TKFC: variants seen among roughly 807,000 people sequenced by gnomAD.
The protein encoded by TKFC is triokinase/FMN cyclase.
Under a neutral mutation model 61.0 loss-of-function variants are expected in TKFC, and 46 were observed. The observed-to-expected ratio is 0.75, with a 90% CI of 0.60 to 0.96. The LOEUF is 0.96. Ranked by LOEUF, TKFC falls within the 50% of genes least tolerant of loss-of-function variation. The pLI, the probability that TKFC is intolerant of heterozygous loss-of-function variation, is 0.00. For missense variants in TKFC, 715 were observed against 777.5 expected, an observed-to-expected ratio of 0.92 and a Z score of 0.96; for synonymous variants, 314 against 330.1, an observed-to-expected ratio of 0.95 and a Z score of 0.53.
intron 2 of TKFC, among the ~76,000 whole-genome samples, chr11:61,336,967 G>C (rs545584159): frequency 6.6e-6 from 1 of 152,074 alleles, no homozygotes; most frequent in East Asian, 1.9e-4. Flanking sequence ...CATGTCTCCT[G>C]CCCCCTTTTT....
downstream of TKFC, chr11:61,350,165 C>T: frequency 1.7e-6 from 1 of 598,822 alleles, no homozygotes; most frequent in Non-Finnish European, 2.9e-6. Context: ...GGAAAGCAGA[C>T]AGGCAGCAAG....
intron 13 of TKFC, 140 bp from the exon 14 acceptor site, chr11:61,345,120 C>T (rs1403941639): frequency 2.8e-6 from 2 of 722,916 alleles, no homozygotes; most frequent in African/African-American, 1.8e-5. Flanking sequence ...CCAGACTGCA[C>T]ACTGGATGTG....
intron 2 of TKFC, 82 bp from the exon 3 acceptor site, chr11:61,337,859 T>C (rs1181524923): frequency 2.9e-6 from 4 of 1,383,638 alleles, no homozygotes; most frequent in Admixed American, 4.9e-5. Flanking sequence ...GAGAGGGGTC[T>C]ACACCACAGC....
Position 61,342,787 on chromosome 11 carries a change from G to C in TKFC, c.808G>C (p.Gly270Arg). The change falls in exon 10 of 18, where the codon GGT becomes CGT. Residue 270 changes from glycine to arginine, a missense_variant. Coordinates refer to ENST00000394900, the MANE Select transcript of TKFC (RefSeq NM_015533.4). Reference sequence around the variant, plus strand: ...AGTTGTGATGATGGTCAACAACCTGGGTGGCCTGTCATTCCTGGAACTGGG... The same window carrying C: ...AGTTGTGATGATGGTCAACAACCTGCGTGGCCTGTCATTCCTGGAACTGGG... ...SSVVMMVNNL[G>R]GLSFLELGII... 1 of 1,614,020 alleles carries C rather than the reference G, an allele frequency of 6.2e-7. No homozygotes were observed. The highest frequency in any genetic ancestry group is 1.1e-5 in the South Asian group (1 of 91,076).
At chr11:61,338,156 G>T (rs1438645866) in intron 3 of TKFC, 26 bp downstream of exon 3, 1 of 1,541,914 alleles carries the variant, frequency 6.5e-7, no homozygotes, top group Non-Finnish European at 8.7e-7. Context: ...TGGGGCAGGG[G>T]GTACTAGTGG....
Position 61,339,328 on chromosome 11 carries a change from G to A in TKFC, c.379G>A (p.Ala127Thr). 1 of 1,613,924 alleles carries A rather than the reference G, an allele frequency of 6.2e-7. No homozygotes were observed. Among genetic ancestry groups the A allele is most frequent in the Non-Finnish European group, 8.5e-7 (1 of 1,180,036 alleles). Residue 127 changes from alanine (A) to threonine (T), a missense_variant, in exon 5 of 18, where the codon GCT becomes ACT. By Grantham distance (58) the Ala-to-Thr change is moderately conservative. Coordinates refer to ENST00000394900, the MANE Select transcript of TKFC (RefSeq NM_015533.4). ...CGGCCTGGCCCGGGAGCAGGCCCGG[G>A]CTGAAGGCATCCCGGTGGAGATGGT... The part of the protein sequence containing the change: ...NFGLAREQAR[A>T]EGIPVEMVVI...
chr11:61,342,857 C>G lies in TKFC; in HGVS notation c.865+13C>G. The G allele has an allele frequency of 6.2e-7, 1 of 1,613,622 alleles. No homozygotes were observed. The highest frequency in any genetic ancestry group is 8.5e-7 in the Non-Finnish European group (1 of 1,179,768). ...GTCCGCTCCCTGGGTGAGCCATGCACTGGGAAGGGGATCCTACAGCCCTTT... is the reference window on the plus strand; with the variant it reads ...GTCCGCTCCCTGGGTGAGCCATGCAGTGGGAAGGGGATCCTACAGCCCTTT... On this transcript the variant is annotated intron_variant, in intron 10 of 17. Coordinates refer to ENST00000394900, the MANE Select transcript of TKFC (RefSeq NM_015533.4).
In TKFC at chr11:61,334,748, C is replaced by A. The variant is rs181688124; in HGVS notation, c.3+17C>A. ...CACACCATGGTGAGTCATACAGGGC[C>A]GGGACGGGAATGGCAGCATGGTCTC... On this transcript the variant is annotated intron_variant, in intron 2 of 17. Transcript: ENST00000394900. 5 of 1,613,998 alleles carry A rather than the reference C, an allele frequency of 3.1e-6. No homozygotes were observed. In the East Asian group the frequency reaches 1.1e-4, roughly 36 times the overall value.
chr11:61,350,646 T>C, downstream of TKFC: 1 of 613,230 alleles, frequency 1.6e-6, no homozygotes, highest in South Asian at 2.1e-5. Context: ...CCCATCCCAC[T>C]AGACTAGCCC....
chr11:61,342,607 C>T lies in TKFC; in HGVS notation c.724C>T (p.Leu242Phe), dbSNP rs765322738. The change falls in exon 9 of 18, where the codon CTC (leucine) becomes TTC (phenylalanine). Residue 242 changes from leucine to phenylalanine, a missense_variant. By Grantham distance (22) the Leu-to-Phe change is conservative (BLOSUM62 0). Transcript: ENST00000394900. ...ATADEIVKLM[L>F]DHMTNTTNAS... ...CGCCGATGAGATTGTGAAACTCATG[C>T]TCGACCACATGACAAACACCACCAA... The T allele has an allele frequency of 5.0e-6, 8 of 1,614,068 alleles. No homozygotes were observed. The highest frequency in any genetic ancestry group is 6.8e-6 in the Non-Finnish European group (8 of 1,180,038).
chr11:61,343,049 GTTGTT>G, intron 10 of TKFC: 1 of 627,782 alleles, frequency 1.6e-6, no homozygotes, highest in South Asian at 2.0e-5. Context: ...GCTTTATACC[GTTGTT>G]TTGAGGATTA....
rs373807994 is a variant in TKFC, at chr11:61,339,455, G to A, written c.486+20G>A. 67 of 1,590,754 alleles carry A rather than the reference G, an allele frequency of 4.2e-5. No homozygotes were observed. The South Asian group carries it at 4.9e-4, about 12-fold the overall frequency. ...CACAAGGTGGGCTTCCACCGGGGAC[G>A]TGGAGACTGGCCAGCCCTTTCCAGC... is the stretch of plus-strand genomic sequence containing the variant. On this transcript the variant is annotated intron_variant, in intron 5 of 17. Transcript: ENST00000394900.
In TKFC at chr11:61,348,431, CA is replaced by C; in HGVS notation, c.*1931del. The C allele has an allele frequency of 1.0e-6, 1 of 985,406 alleles. No individual in the cohort carries two copies. The highest frequency in any genetic ancestry group is 1.2e-6 in the Non-Finnish European group (1 of 829,932). 61.0% of individuals were successfully genotyped at this position (985,406 alleles called of 1,614,324 possible). ...GGTCAGACCTGTCCTGAGGCTTTTA[CA>C]AATTGGCCCAGAACTCATTTAACCA... On this transcript the variant is annotated 3_prime_UTR_variant, in exon 18 of 18. Transcript: ENST00000394900.
At chr11:61,349,948 C>T (rs1857320479), downstream of TKFC, 1 of 484,214 alleles carries the variant, frequency 2.1e-6, no homozygotes. Flanking sequence ...CCCAGCTCTT[C>T]ACCACATCCC....
intron 5 of TKFC, among the ~76,000 whole-genome samples, chr11:61,340,671 G>A (rs1387282526): frequency 1.3e-5 from 2 of 148,864 alleles, no homozygotes; most frequent in East Asian, 4.0e-4. Flanking sequence ...TCCTCTTATG[G>A]TCTCTTCACG....
rs767874257 is a variant in TKFC at position 61,345,965 on chromosome 11, AGCCACCTGGGGAGACAG to A, written c.1575+22_1575+38del. On this transcript the variant is annotated intron_variant, in intron 17 of 17. Coordinates refer to ENST00000394900, the MANE Select transcript of TKFC (RefSeq NM_015533.4). Reference sequence around the variant, plus strand: ...AGTCAAGGTGAGTGAGGCTGGGCCCAGCCACCTGGGGAGACAGGCTTCTAGCCAGCAGACTCCTGTCT... The same window carrying A: ...AGTCAAGGTGAGTGAGGCTGGGCCCAGCTTCTAGCCAGCAGACTCCTGTCT... The A allele has an allele frequency of 1.9e-6, 3 of 1,611,520 alleles. No individual in the cohort carries two copies. In the East Asian group the frequency reaches 6.7e-5, roughly 36 times the overall value.
chr11:61,334,382 G>C (rs919702374), intron 1 of TKFC: 2 of 272,654 alleles, frequency 7.3e-6, no homozygotes, highest in African/African-American at 2.2e-5. Context: ...AGTGGGTGCT[G>C]TTCCTGGACA....
chr11:61,343,159 G>T (rs941470953), intron 10 of TKFC, 183 bp from the exon 11 acceptor site: 5 of 635,374 alleles, frequency 7.9e-6, no homozygotes, highest in Non-Finnish European at 1.4e-5. Flanking sequence ...CTTCCCCGAC[G>T]TAGGGGACAC....
chr11:61,341,798 T>C, intron 6 of TKFC, 25 bp from the exon 7 acceptor site: 1 of 1,603,578 alleles, frequency 6.2e-7, no homozygotes, highest in Non-Finnish European at 8.5e-7. Context: ...GGAACAGTCA[T>C]CCCTTCATGC....
Sources: gnomAD v4.1 joint callset for allele counts (sites outside exome capture counted in the v4.1 genomes callset) on GRCh38, gnomAD v4.1.1 for gene constraint, MANE v1.5 for transcripts, NCBI Gene and HGNC (gene_info 2026-07-23, HGNC 2026-07-21) for gene names.